The following SNTB1 variants were observed in gnomAD, a reference collection of about 807,000 sequenced individuals.
The protein encoded by SNTB1 is syntrophin beta 1, also known as beta-1-syntrophin.
SNTB1 carries 36 observed loss-of-function variants against 48.9 expected under a neutral mutation model. The ratio of observed to expected loss-of-function variants is 0.74; its 90% CI spans 0.56 to 0.97. SNTB1 has a LOEUF of 0.97. Among genes scored for constraint, SNTB1 ranks in the 50% least tolerant of loss-of-function variants. SNTB1 has a pLI of 0.00. For synonymous variants in SNTB1, 299 were observed against 294.6 expected (o/e 1.01, Z -0.15); for missense variants, 786 against 703.4 (o/e 1.12, Z -1.33).
chr8:120,731,031 G>C (rs1267333275), intron 1 of SNTB1, among the ~76,000 whole-genome samples: 2 of 152,152 alleles, frequency 1.3e-5, no homozygotes, highest in East Asian at 3.8e-4. Context: ...TGAGGCAGGA[G>C]AATTGCTTGA....
At chr8:120,811,132 C>T in intron 1 of SNTB1, 141 bp downstream of exon 1, 18 of 276,352 alleles carry the variant, frequency 6.5e-5, no homozygotes, top group Non-Finnish European at 9.3e-5. Context: ...CGCCACCCTT[C>T]CCCCCCCCCC....
intron 3 of SNTB1, among the ~76,000 whole-genome samples, chr8:120,619,316 G>GAGAGAGAGAGAGAA (rs1349201098): frequency 6.6e-6 from 1 of 151,872 alleles, no homozygotes; most frequent in Non-Finnish European, 1.5e-5. Flanking sequence ...TATATAGAGA[G>GAGAGAGAGAGAGAA]AGAGAGAGAG....
chr8:120,685,401 G>T (rs367551767), intron 2 of SNTB1, among the ~76,000 whole-genome samples: 1 of 152,168 alleles, frequency 6.6e-6, no homozygotes, highest in African/African-American at 2.4e-5. Flanking sequence ...CTGTGTATTG[G>T]TGTAGTGGCA....
chr8:120,704,098 A>T (rs966361856), intron 1 of SNTB1, among the ~76,000 whole-genome samples: 1 of 152,124 alleles, frequency 6.6e-6, no homozygotes, highest in African/African-American at 2.4e-5. Context: ...AACATATGCA[A>T]ATGTTCATGT....
At chr8:120,637,830 A>G in intron 2 of SNTB1, 1 of 293,178 alleles carries the variant, frequency 3.4e-6, no homozygotes, top group South Asian at 3.6e-5. Flanking sequence ...TCTCTTGCAA[A>G]AGGTTTCTTT....
At chr8:120,557,546 C>A (rs747572518) in intron 4 of SNTB1, among the ~76,000 whole-genome samples, 51 of 152,210 alleles carry the variant, frequency 3.4e-4, no homozygotes, top group Non-Finnish European at 6.9e-4. Context: ...CTGTTGCCAG[C>A]AAAGTGATCT....
chr8:120,772,555 A>T (rs930180422), intron 1 of SNTB1, among the ~76,000 whole-genome samples: 1 of 152,140 alleles, frequency 6.6e-6, no homozygotes, highest in Non-Finnish European at 1.5e-5. Flanking sequence ...CCAGGGGCAC[A>T]CTTTTAAAAT....
chr8:120,575,297 CT>C (rs1815933608), intron 3 of SNTB1, 72 bp from the exon 4 acceptor site: 2 of 1,570,704 alleles, frequency 1.3e-6, no homozygotes, highest in Non-Finnish European at 1.7e-6. Context: ...TGGCATCCCC[CT>C]AATCAGAGGA....
chr8:120,566,116 G>A (rs1385972177), intron 4 of SNTB1, among the ~76,000 whole-genome samples: 1 of 152,046 alleles, frequency 6.6e-6, no homozygotes, highest in Non-Finnish European at 1.5e-5. Context: ...ACAGAATAGA[G>A]ACAGGTTGTG....
intron 6 of SNTB1, among the ~76,000 whole-genome samples, chr8:120,539,321 C>A (rs2130639805): frequency 6.6e-6 from 1 of 152,264 alleles, no homozygotes; most frequent in East Asian, 1.9e-4. Flanking sequence ...CTAAATTTCA[C>A]ATCTGAAGAT....
intron 5 of SNTB1, among the ~76,000 whole-genome samples, chr8:120,542,589 G>A (rs944449266): frequency 6.6e-6 from 1 of 152,120 alleles, no homozygotes; most frequent in Non-Finnish European, 1.5e-5. Flanking sequence ...GGGAGGCAGA[G>A]GTTGCAGTGA....
intron 1 of SNTB1, among the ~76,000 whole-genome samples, chr8:120,778,374 G>C (rs1044883128): frequency 3.9e-5 from 6 of 152,086 alleles, no homozygotes; most frequent in Non-Finnish European, 8.8e-5. Flanking sequence ...AACAACTTTA[G>C]TCACCAAAAA....
At chr8:120,778,436 T>C (rs1367036936) in intron 1 of SNTB1, among the ~76,000 whole-genome samples, 1 of 152,228 alleles carries the variant, frequency 6.6e-6, no homozygotes, top group Non-Finnish European at 1.5e-5. Context: ...AAATCAGGAA[T>C]CCTGACCTCT....
intron 1 of SNTB1, among the ~76,000 whole-genome samples, chr8:120,801,088 T>C (rs1014421581): frequency 6.6e-6 from 1 of 152,028 alleles, no homozygotes; most frequent in Non-Finnish European, 1.5e-5. Flanking sequence ...GCTGTAATCA[T>C]ATGTTATTTT....
At chr8:120,655,599 C>T (rs1225764480) in intron 2 of SNTB1, among the ~76,000 whole-genome samples, 1 of 152,212 alleles carries the variant, frequency 6.6e-6, no homozygotes, top group African/African-American at 2.4e-5. Context: ...ATGTCTTAAT[C>T]ATTATGCTCC....
chr8:120,648,359 C>A (rs1817340207), intron 2 of SNTB1, among the ~76,000 whole-genome samples: 1 of 151,608 alleles, frequency 6.6e-6, no homozygotes, highest in South Asian at 2.1e-4. Context: ...TAAGGCAGGC[C>A]TGGTGGTGAC....
At chr8:120,755,110 C>A (rs547831244) in intron 1 of SNTB1, among the ~76,000 whole-genome samples, 1 of 149,282 alleles carries the variant, frequency 6.7e-6, no homozygotes, top group Non-Finnish European at 1.5e-5. Context: ...TGACACAGTG[C>A]GTAAATGTTG....
chr8:120,761,973 T>C (rs1819428248), intron 1 of SNTB1, among the ~76,000 whole-genome samples: 1 of 152,232 alleles, frequency 6.6e-6, no homozygotes, highest in Admixed American at 6.5e-5. Flanking sequence ...ATAAAGCCAC[T>C]GGAAGAGGGC....
intron 1 of SNTB1, among the ~76,000 whole-genome samples, chr8:120,752,781 T>C (rs1050708227): frequency 6.6e-6 from 1 of 151,800 alleles, no homozygotes; most frequent in Non-Finnish European, 1.5e-5. Context: ...TGAGCACACA[T>C]GGACATAAGT....
Sources: allele counts gnomAD v4.1 joint callset (sites outside exome capture counted in the v4.1 genomes callset), GRCh38; gene constraint gnomAD v4.1.1; transcripts MANE v1.5; gene names NCBI Gene and HGNC (gene_info 2026-07-23, HGNC 2026-07-21).